MITD1: variants seen among roughly 807,000 people sequenced by gnomAD.
MITD1 encodes microtubule interacting and trafficking domain containing 1.
In MITD1, 24 loss-of-function variants were observed where a neutral mutation model predicts 34.9. That is an observed-to-expected ratio of 0.69 (90% confidence interval 0.50 to 0.97). The LOEUF is 0.97. Among genes scored for constraint, MITD1 ranks in the 50% least tolerant of loss-of-function variants. MITD1 has a pLI of 0.00. For missense variants in MITD1, 266 were observed against 294.6 expected, an observed-to-expected ratio of 0.90 and a Z score of 0.71; for synonymous variants, 102 against 101.4, an observed-to-expected ratio of 1.01 and a Z score of -0.04.
At position 99,171,441 on chromosome 2, in the gene MITD1, T is replaced by C. The variant is rs779973863; in HGVS notation, c.391-12A>G. 1 of 1,603,710 alleles carries C rather than the reference T, an allele frequency of 6.2e-7. No homozygotes were observed. Among genetic ancestry groups the C allele is most frequent in the Non-Finnish European group, 8.5e-7 (1 of 1,170,928 alleles). ...AGAAAGTTATACAGCTAAAAGACATTAGAATGGATTATTACTAATTTAGTA... is the reference window on the plus strand; with the variant it reads ...AGAAAGTTATACAGCTAAAAGACATCAGAATGGATTATTACTAATTTAGTA... On this transcript the variant is annotated splice_polypyrimidine_tract_variant and intron_variant, in intron 3 of 6. Transcript: ENST00000289359.
intron 2 of MITD1, chr2:99,173,422 T>C (rs939974118): frequency 4.3e-6 from 2 of 463,896 alleles, no homozygotes; most frequent in African/African-American, 4.0e-5. Flanking sequence ...ACCTGACCTC[T>C]AATCATTAGG....
At chr2:99,164,775 C>A (rs1465483232), downstream of MITD1, among the ~76,000 whole-genome samples, 2 of 151,998 alleles carry the variant, frequency 1.3e-5, no homozygotes, top group East Asian at 1.9e-4. Flanking sequence ...CTTGTTACCA[C>A]CTATGAAAAT....
chr2:99,173,471 T>A (rs2105220783), intron 2 of MITD1: 1 of 470,344 alleles, frequency 2.1e-6, no homozygotes, highest in Admixed American at 2.3e-5. Context: ...CACAACAAAA[T>A]CTGAGAGAAA....
At chr2:99,176,931 C>G (rs1029533696) in intron 1 of MITD1, among the ~76,000 whole-genome samples, 1 of 152,036 alleles carries the variant, frequency 6.6e-6, no homozygotes, top group African/African-American at 2.4e-5. Context: ...TGGGGGAGTC[C>G]CACCACTACT....
chr2:99,176,970 G>T (rs1193747916), intron 1 of MITD1, among the ~76,000 whole-genome samples: 1 of 152,110 alleles, frequency 6.6e-6, no homozygotes, highest in Non-Finnish European at 1.5e-5. Context: ...ATACAGCTAG[G>T]AGGTATATGT....
At chr2:99,177,100 T>G (rs983243267) in intron 1 of MITD1, among the ~76,000 whole-genome samples, 1 of 152,176 alleles carries the variant, frequency 6.6e-6, no homozygotes, top group Non-Finnish European at 1.5e-5. Context: ...CAGAGCTCAT[T>G]CTAGCTTTCC....
chr2:99,162,244 T>G (rs752610579), intron 7 of MITD1: 1 of 1,613,664 alleles, frequency 6.2e-7, no homozygotes, highest in Non-Finnish European at 8.5e-7. Flanking sequence ...GGTATAAAAC[T>G]GGCTCGGAGA....
At chr2:99,164,125 T>C (rs1002793960) in intron 7 of MITD1, among the ~76,000 whole-genome samples, 8 of 152,200 alleles carry the variant, frequency 5.3e-5, no homozygotes, top group African/African-American at 1.4e-4. Flanking sequence ...TTTCAACTTA[T>C]GTATCTTTCT....
intron 7 of MITD1, chr2:99,163,114 A>G (rs2093810104): frequency 3.5e-6 from 5 of 1,411,192 alleles, no homozygotes; most frequent in Non-Finnish European, 4.7e-6. Context: ...TTTCAATTAG[A>G]AAATAAAATG....
rs2093841748 is a variant in MITD1 at position 99,169,298 on chromosome 2, AC to A, written c.*76del. ...TATAAAAGTTTATTGTTAAATTCAT[AC>A]ATTATAAAAGTGATCTTTTAAAAAA... On this transcript the variant is annotated 3_prime_UTR_variant, in exon 7 of 7. Coordinates refer to ENST00000289359, the MANE Select transcript of MITD1 (RefSeq NM_138798.3). The A allele has an allele frequency of 1.5e-6, 1 of 672,354 alleles. No homozygotes were observed. The highest frequency in any genetic ancestry group is 1.8e-5 in the African/African-American group (1 of 54,730). 41.6% of individuals were successfully genotyped at this position (672,354 alleles called of 1,614,324 possible). A position where few individuals can be genotyped will look rare whatever the true frequency, so the allele number is the denominator to read the frequency against.
Position 99,171,562 on chromosome 2 carries a change from T to G in MITD1, c.338A>C (p.Glu113Ala), listed in dbSNP as rs2093858100. ...TTCTATCCAAACTTCTGTAACTGTCTCATTAAGGTATTCGCGAAAAAGTGA... is the reference window on the plus strand; with the variant it reads ...TTCTATCCAAACTTCTGTAACTGTCGCATTAAGGTATTCGCGAAAAAGTGA... ...YESLFREYLNETVTEVWIEDP... is the reference protein window; with the variant it reads ...YESLFREYLNATVTEVWIEDP... The change falls in exon 3 of 7, where the codon GAG (glutamate) becomes GCG (alanine). Residue 113 changes from glutamate (E) to alanine (A), a missense_variant. Transcript: ENST00000289359. 6.2e-7 allele frequency: 1 copy of G among 1,612,414 alleles called. No individual in the cohort carries two copies. Among genetic ancestry groups the G allele is most frequent in the South Asian group, 1.1e-5 (1 of 91,000 alleles).
At chr2:99,173,801 C>T in intron 2 of MITD1, 114 bp downstream of exon 2, 1 of 702,610 alleles carries the variant, frequency 1.4e-6, no homozygotes, top group Non-Finnish European at 2.5e-6. Flanking sequence ...CTGTAAGCTC[C>T]CAGGGACAAC....
chr2:99,171,818 G>A (rs867482968), intron 2 of MITD1, 172 bp from the exon 3 acceptor site: 7 of 627,024 alleles, frequency 1.1e-5, no homozygotes, highest in Admixed American at 3.2e-5. Flanking sequence ...GATGTTACAC[G>A]TACAAAGGTA....
rs139830039 is a variant in MITD1 at position 99,176,825 on chromosome 2, G to A, written c.152-2809C>T. ...CTCATCTTGTTTATTTTTTGCCCCAGCCCTGAAATACCCTTTTCCAAGGAG... is the reference window on the plus strand; with the variant it reads ...CTCATCTTGTTTATTTTTTGCCCCAACCCTGAAATACCCTTTTCCAAGGAG... On this transcript the variant is annotated intron_variant, in intron 1 of 6. Transcript: ENST00000289359. Among the ~76,000 whole-genome samples, 1,001 of 152,086 alleles carry A rather than the reference G, an allele frequency of 6.6e-3. 12 individuals are homozygous for A. The highest frequency in any genetic ancestry group is 0.023 in the African/African-American group (969 of 41,502).
chr2:99,175,734 G>A (rs561158556), intron 1 of MITD1, among the ~76,000 whole-genome samples: 32 of 152,116 alleles, frequency 2.1e-4, no homozygotes, highest in South Asian at 1.0e-3. Context: ...TTCTATTTCC[G>A]TCATTCCTTC....
intron 1 of MITD1, among the ~76,000 whole-genome samples, chr2:99,179,403 C>G (rs2093903394): frequency 6.6e-6 from 1 of 152,152 alleles, no homozygotes; most frequent in Non-Finnish European, 1.5e-5. Flanking sequence ...ACCATCAACT[C>G]CTACTTGATA....
chr2:99,177,024 T>C (rs1393684900), intron 1 of MITD1, among the ~76,000 whole-genome samples: 1 of 152,200 alleles, frequency 6.6e-6, no homozygotes, highest in African/African-American at 2.4e-5. Context: ...CATCTATATG[T>C]ATTTGTTTCT....
downstream of MITD1, among the ~76,000 whole-genome samples, chr2:99,165,655 C>A (rs11695809): frequency 2.1e-3 from 315 of 152,176 alleles, 4 homozygotes; most frequent in South Asian, 0.022. Flanking sequence ...GCATCTGGGT[C>A]CCCTTATATG....
intron 1 of MITD1, 124 bp downstream of exon 1, chr2:99,180,707 C>T (rs1574839849): frequency 3.7e-6 from 3 of 817,032 alleles, no homozygotes; most frequent in Non-Finnish European, 4.1e-6. Context: ...AATATCCCAC[C>T]TTCTGTATTT....
Sources: allele counts gnomAD v4.1 joint callset (sites outside exome capture counted in the v4.1 genomes callset), GRCh38; gene constraint gnomAD v4.1.1; transcripts MANE v1.5; gene names NCBI Gene and HGNC (gene_info 2026-07-23, HGNC 2026-07-21).